Variants in TMEM51 observed in about 807,000 individuals in gnomAD.
TMEM51 encodes the protein chromosome 1 open reading frame 72.
TMEM51 carries 8 observed loss-of-function variants against 13.6 expected under a neutral mutation model. That is an observed-to-expected ratio of 0.59 (90% CI 0.35 to 1.07). The LOEUF is 1.07. TMEM51 is among the 50% of genes least tolerant of loss of function. The probability of loss-of-function intolerance (pLI) is 0.02; values close to 1 mark genes in which losing one functional copy is unlikely to be tolerated. For synonymous variants in TMEM51, 147 were observed against 144.4 expected, an observed-to-expected ratio of 1.02 and a Z score of -0.13; for missense variants, 279 against 330.7, an observed-to-expected ratio of 0.84 and a Z score of 1.21.
intron 3 of TMEM51, 72 bp from the exon 4 acceptor site, chr1:15,219,254 G>A: frequency 6.7e-7 from 1 of 1,485,814 alleles, no homozygotes; most frequent in Non-Finnish European, 9.0e-7. Context: ...ACTCTTTGGA[G>A]CCCATCCCTT....
chr1:15,186,266 A>T (rs1226327865), intron 1 of TMEM51, among the ~76,000 whole-genome samples: 1 of 152,244 alleles, frequency 6.6e-6, no homozygotes, highest in Non-Finnish European at 1.5e-5. Flanking sequence ...GTAACTGGAT[A>T]GAAAATGGCT....
intron 1 of TMEM51, among the ~76,000 whole-genome samples, chr1:15,173,964 C>T (rs1411818525): frequency 1.3e-5 from 2 of 152,180 alleles, no homozygotes; most frequent in South Asian, 2.1e-4. Flanking sequence ...GGCAGTGCTC[C>T]GGGGCCAGGC....
chr1:15,215,835 T>C (rs1475650267), intron 3 of TMEM51, among the ~76,000 whole-genome samples: 1 of 152,148 alleles, frequency 6.6e-6, no homozygotes, highest in African/African-American at 2.4e-5. Context: ...GAGACCAGCC[T>C]GGCCAACATG....
intron 1 of TMEM51, among the ~76,000 whole-genome samples, chr1:15,187,190 A>AC (rs1643805463): frequency 7.1e-6 from 1 of 140,136 alleles, no homozygotes; most frequent in Non-Finnish European, 1.6e-5. Context: ...CCATCCCCCA[A>AC]CCCCCATCCA....
intron 1 of TMEM51, among the ~76,000 whole-genome samples, chr1:15,163,640 T>TTTTTTTTTTTTTAG (rs1553197697): frequency 2.0e-5 from 3 of 150,470 alleles, no homozygotes; most frequent in Non-Finnish European, 3.0e-5. Flanking sequence ...TTATTTTTTG[T>TTTTTTTTTTTTTAG]AATAATAGCA....
chr1:15,179,206 T>A (rs1276084872), intron 1 of TMEM51, among the ~76,000 whole-genome samples: 5 of 152,146 alleles, frequency 3.3e-5, no homozygotes, highest in African/African-American at 4.8e-5. Context: ...ACCCAGCAAT[T>A]GCACTTCTGG....
chr1:15,195,628 T>C (rs1644032545), intron 1 of TMEM51, among the ~76,000 whole-genome samples: 2 of 152,182 alleles, frequency 1.3e-5, no homozygotes, highest in African/African-American at 4.8e-5. Flanking sequence ...TCATCGATTC[T>C]TCCTTGAGTT....
chr1:15,182,779 G>A (rs201046282), intron 1 of TMEM51, among the ~76,000 whole-genome samples: 1 of 152,192 alleles, frequency 6.6e-6, no homozygotes, highest in East Asian at 1.9e-4. Context: ...CTTCTTTTGG[G>A]GGGCACAGAA....
At chr1:15,200,495 G>C (rs1009924042) in intron 1 of TMEM51, among the ~76,000 whole-genome samples, 2 of 151,656 alleles carry the variant, frequency 1.3e-5, no homozygotes, top group Non-Finnish European at 2.9e-5. Flanking sequence ...GGGAACAGGT[G>C]GCCATCTACA....
chr1:15,205,234 T>C (rs576345728), intron 1 of TMEM51, among the ~76,000 whole-genome samples: 3 of 152,342 alleles, frequency 2.0e-5, no homozygotes, highest in Non-Finnish European at 4.4e-5. Context: ...TCTTCCTTAA[T>C]TTCTCCAACA....
intron 1 of TMEM51, among the ~76,000 whole-genome samples, chr1:15,199,430 C>T (rs544581736): frequency 1.7e-4 from 26 of 152,250 alleles, no homozygotes; most frequent in African/African-American, 5.8e-4. Flanking sequence ...CCACCACACC[C>T]GGTCAGTTCA....
chr1:15,159,292 T>A (rs1642691205), intron 1 of TMEM51, among the ~76,000 whole-genome samples: 1 of 152,174 alleles, frequency 6.6e-6, no homozygotes, highest in South Asian at 2.1e-4. Flanking sequence ...GAGGTAGCAC[T>A]CAGGCCTCAC....
intron 1 of TMEM51, among the ~76,000 whole-genome samples, chr1:15,154,674 C>T (rs1362037404): frequency 1.3e-5 from 2 of 152,188 alleles, no homozygotes; most frequent in Non-Finnish European, 2.9e-5. Context: ...GCGCTTGGCC[C>T]GGCGCGCCTG....
chr1:15,219,716 G>A lies in TMEM51; in HGVS notation c.735G>A (p.Lys245=), dbSNP rs2100373353. ...CGCAGTATGATGAAGTCCAGGAGAA[G>A]GCCCCCGACACCCGGCCGCCCGACT... ...PPPQYDEVQE[K]APDTRPPD The change falls in exon 4 of 4, where the codon AAG becomes AAA. Residue 245 remains lysine, a synonymous_variant. Transcript: ENST00000376008. 6.2e-7 allele frequency: 1 copy of A among 1,613,488 alleles called. No homozygotes were observed. Among genetic ancestry groups the A allele is most frequent in the Non-Finnish European group, 8.5e-7 (1 of 1,179,874 alleles).
intron 1 of TMEM51, among the ~76,000 whole-genome samples, chr1:15,181,005 A>C (rs1292618128): frequency 6.6e-6 from 1 of 152,132 alleles, no homozygotes; most frequent in Non-Finnish European, 1.5e-5. Flanking sequence ...TGCAGACTGG[A>C]CGGAGAATCC....
chr1:15,219,989 A>G lies in TMEM51; in HGVS notation c.*246A>G. On this transcript the variant is annotated 3_prime_UTR_variant, in exon 4 of 4. Transcript: ENST00000376008. ...GCTGGTGAATCTGTGGACCACATTC[A>G]AGGGTGTGGCACAGGCATCTTCCCA... 1.9e-6 allele frequency: 1 copy of G among 537,720 alleles called. No individual in the cohort carries two copies. The highest frequency in any genetic ancestry group is 3.0e-5 in the East Asian group (1 of 33,554). 33.3% of individuals were successfully genotyped at this position (537,720 alleles called of 1,614,324 possible). A position where few individuals can be genotyped will look rare whatever the true frequency, so the allele number is the denominator to read the frequency against.
At chr1:15,168,736 G>A (rs1475767938) in intron 1 of TMEM51, 1 of 1,304,422 alleles carries the variant, frequency 7.7e-7, no homozygotes, top group African/African-American at 1.5e-5. Flanking sequence ...ACGTCTCACA[G>A]AAAGGAGCAG....
chr1:15,219,883 G>A lies in TMEM51; in HGVS notation c.*140G>A, dbSNP rs971265249. The A allele has an allele frequency of 3.2e-6, 3 of 928,964 alleles. No individual in the cohort carries two copies. Among genetic ancestry groups the A allele is most frequent in the Admixed American group, 2.8e-5 (1 of 35,194 alleles). The allele number at this position is 928,964 out of a possible 1,614,324, so 57.5% of individuals were successfully genotyped here. Reference sequence around the variant, plus strand: ...CATTTGGATGGCGGCGGGCGGGGGGGGATTCTCTGTATCAGGAGTGACTTT... The same window carrying A: ...CATTTGGATGGCGGCGGGCGGGGGGAGATTCTCTGTATCAGGAGTGACTTT... On this transcript the variant is annotated 3_prime_UTR_variant, in exon 4 of 4. Coordinates refer to ENST00000376008, the MANE Select transcript of TMEM51 (RefSeq NM_001136218.2).
At chr1:15,217,090 A>G (rs967933280) in intron 3 of TMEM51, among the ~76,000 whole-genome samples, 4 of 152,222 alleles carry the variant, frequency 2.6e-5, no homozygotes, top group Non-Finnish European at 4.4e-5. Context: ...AATGGTGGGA[A>G]TGTAAATTAG....
Sources: gnomAD v4.1 joint callset for allele counts (sites outside exome capture counted in the v4.1 genomes callset) on GRCh38, gnomAD v4.1.1 for gene constraint, MANE v1.5 for transcripts, NCBI Gene and HGNC (gene_info 2026-07-23, HGNC 2026-07-21) for gene names.